Variants in ADCY5 observed in about 807,000 individuals in gnomAD.
ADCY5 encodes adenylate cyclase type 5.
Under a neutral mutation model 119.7 loss-of-function variants are expected in ADCY5, and 30 were observed. The ratio of observed to expected loss-of-function variants is 0.25; its 90% CI spans 0.19 to 0.34. ADCY5 has a LOEUF of 0.34. Among genes scored for constraint, ADCY5 ranks in the 10% least tolerant of loss-of-function variants. The pLI, the probability that ADCY5 is intolerant of heterozygous loss-of-function variation, is 1.00. For missense variants in ADCY5, 1,324 were observed against 1,775.2 expected (o/e 0.75, Z 4.57); for synonymous variants, 753 against 762.2 (o/e 0.99, Z 0.20).
At chr3:123,415,012 G>A (rs186090410) in intron 1 of ADCY5, among the ~76,000 whole-genome samples, 5 of 152,280 alleles carry the variant, frequency 3.3e-5, no homozygotes, top group African/African-American at 4.8e-5. Flanking sequence ...CCACCACTGC[G>A]GCCCCTTGGG....
At chr3:123,356,659 T>C (rs898387648) in intron 1 of ADCY5, among the ~76,000 whole-genome samples, 1 of 152,120 alleles carries the variant, frequency 6.6e-6, no homozygotes, top group African/African-American at 2.4e-5. Flanking sequence ...TGAAGTTAAA[T>C]TAGATTAAAA....
chr3:123,422,509 CAGGT>C (rs2107638270), intron 1 of ADCY5, among the ~76,000 whole-genome samples: 2 of 152,324 alleles, frequency 1.3e-5, no homozygotes, highest in African/African-American at 2.4e-5. Context: ...CTCTTATATA[CAGGT>C]AGGTGGTGGA....
intron 3 of ADCY5, 41 bp downstream of exon 3, chr3:123,347,741 T>C (rs1013019240): frequency 6.2e-7 from 1 of 1,611,626 alleles, no homozygotes; most frequent in Non-Finnish European, 8.5e-7. Flanking sequence ...GGGGTCCAGC[T>C]CTCCCTCCCT....
intron 1 of ADCY5, among the ~76,000 whole-genome samples, chr3:123,353,746 G>A (rs1177329085): frequency 6.6e-6 from 1 of 152,196 alleles, no homozygotes; most frequent in Non-Finnish European, 1.5e-5. Context: ...CCTGGCAGAT[G>A]ACTCCTACGC....
intron 1 of ADCY5, chr3:123,416,417 C>T: frequency 7.6e-7 from 1 of 1,321,694 alleles, no homozygotes; most frequent in Non-Finnish European, 1.0e-6. Context: ...GACAACCTCC[C>T]AAAGGGCCTC....
intron 1 of ADCY5, among the ~76,000 whole-genome samples, chr3:123,364,292 T>A (rs779928471): frequency 3.9e-5 from 6 of 152,202 alleles, no homozygotes; most frequent in Admixed American, 6.5e-5. Context: ...AATCTTCTCT[T>A]CTGACAGAAG....
At chr3:123,345,376 T>G (rs1456235729) in intron 3 of ADCY5, among the ~76,000 whole-genome samples, 2 of 152,186 alleles carry the variant, frequency 1.3e-5, no homozygotes, top group Non-Finnish European at 2.9e-5. Flanking sequence ...AGCAGCAAAT[T>G]TTCTGGATTT....
chr3:123,433,799 C>T lies in ADCY5; in HGVS notation c.1134+13613G>A, dbSNP rs114023942. On this transcript the variant is annotated intron_variant, in intron 1 of 20. Coordinates refer to ENST00000462833, the MANE Select transcript of ADCY5 (RefSeq NM_183357.3). ...CCCACTTATGCCACCAGAAGACGGG[C>T]TGTGCGGCAGCCTCACCCCAGAGCT... 5.8e-3 allele frequency among the ~76,000 whole-genome samples: 881 copies of T among 152,264 alleles called. 13 individuals carry two copies. The highest frequency in any genetic ancestry group is 0.015 in the African/African-American group (641 of 41,550).
chr3:123,386,225 T>C (rs1944218894), intron 1 of ADCY5, among the ~76,000 whole-genome samples: 1 of 152,120 alleles, frequency 6.6e-6, no homozygotes, highest in African/African-American at 2.4e-5. Context: ...CCTTGACACT[T>C]TTCTCCTCCT....
intron 15 of ADCY5, among the ~76,000 whole-genome samples, chr3:123,298,149 GCCA>G (rs1336883315): frequency 6.6e-6 from 1 of 152,100 alleles, no homozygotes; most frequent in African/African-American, 2.4e-5. Flanking sequence ...ACAGGTGCAT[GCCA>G]CCACACCTGG....
At chr3:123,376,757 G>A (rs1390312110) in intron 1 of ADCY5, among the ~76,000 whole-genome samples, 1 of 152,170 alleles carries the variant, frequency 6.6e-6, no homozygotes, top group African/African-American at 2.4e-5. Context: ...CAAAAGTCTG[G>A]GCAGGCAGGA....
chr3:123,345,757 G>GAAAC (rs1942506500), intron 3 of ADCY5, among the ~76,000 whole-genome samples: 1 of 61,088 alleles, frequency 1.6e-5, no homozygotes, highest in Non-Finnish European at 3.7e-5. Flanking sequence ...CAGACAGACA[G>GAAAC]ACAGACAGAC....
At position 123,447,587 on chromosome 3, in the gene ADCY5, G is replaced by T. The variant is rs1335500504; in HGVS notation, c.959C>A (p.Pro320Gln). ...LAVQVVGLLL[P>Q]QPRSASEGIW... ...GCCCTCAGAGGCGCTGCGTGGCTGC[G>T]GCAGCAGCAGGCCCACCACCTGGAC... Residue 320 changes from proline to glutamine, a missense_variant, in exon 1 of 21, where the codon CCG becomes CAG. By Grantham distance (76) the Pro-to-Gln change is moderately conservative. Coordinates refer to ENST00000462833, the MANE Select transcript of ADCY5 (RefSeq NM_183357.3). 2.5e-6 allele frequency: 4 copies of T among 1,607,506 alleles called. No individual in the cohort carries two copies. Among genetic ancestry groups the T allele is most frequent in the Non-Finnish European group, 2.5e-6 (3 of 1,179,064 alleles).
intron 11 of ADCY5, among the ~76,000 whole-genome samples, chr3:123,315,441 T>C (rs1940860324): frequency 6.6e-6 from 1 of 152,016 alleles, no homozygotes; most frequent in South Asian, 2.1e-4. Flanking sequence ...GAGGAGGGAA[T>C]GAAGCAGTTG....
intron 3 of ADCY5, among the ~76,000 whole-genome samples, chr3:123,335,564 T>C (rs1941979828): frequency 6.6e-6 from 1 of 152,038 alleles, no homozygotes; most frequent in African/African-American, 2.4e-5. Flanking sequence ...CCCACAGACA[T>C]CTTAAATGCG....
intron 1 of ADCY5, among the ~76,000 whole-genome samples, chr3:123,397,361 C>T (rs1017693080): frequency 1.3e-5 from 2 of 152,194 alleles, no homozygotes; most frequent in African/African-American, 2.4e-5. Context: ...GCTGGCCAGG[C>T]GCAGTGGCTC....
intron 2 of ADCY5, 58 bp from the exon 3 acceptor site, chr3:123,347,961 C>T (rs1316376610): frequency 1.2e-5 from 19 of 1,607,056 alleles, no homozygotes; most frequent in Non-Finnish European, 1.4e-5. Context: ...GGCAAGTGCT[C>T]GCTCCTCCAC....
intron 10 of ADCY5, among the ~76,000 whole-genome samples, chr3:123,319,079 C>A (rs952523635): frequency 1.3e-5 from 2 of 152,306 alleles, no homozygotes; most frequent in Non-Finnish European, 2.9e-5. Context: ...AACTGCTGGG[C>A]ATGGTGGCTC....
chr3:123,327,887 T>A, intron 6 of ADCY5, 128 bp from the exon 7 acceptor site: 1 of 1,144,850 alleles, frequency 8.7e-7, no homozygotes, highest in Non-Finnish European at 1.2e-6. Context: ...CAAGCTCTGC[T>A]CAAATCCTAA....
Sources: allele counts gnomAD v4.1 joint callset (sites outside exome capture counted in the v4.1 genomes callset), GRCh38; gene constraint gnomAD v4.1.1; transcripts MANE v1.5; gene names NCBI Gene and HGNC (gene_info 2026-07-23, HGNC 2026-07-21).